EPHA6: variants seen among roughly 807,000 people sequenced by gnomAD.
The protein encoded by EPHA6 is EPH receptor A6.
EPHA6 carries 50 observed loss-of-function variants against 112.0 expected under a neutral mutation model. That is an observed-to-expected ratio of 0.45 (90% CI 0.36 to 0.56). The LOEUF (loss-of-function observed/expected upper bound fraction) is 0.56. Among genes scored for constraint, EPHA6 ranks in the 20% least tolerant of loss-of-function variants. EPHA6 has a pLI of 0.00. For missense variants in EPHA6, 1,280 were observed against 1,417.4 expected, an observed-to-expected ratio of 0.90 and a Z score of 1.56; for synonymous variants, 529 against 490.7, an observed-to-expected ratio of 1.08 and a Z score of -1.03.
At chr3:97,565,040 GA>G (rs1468345043) in intron 11 of EPHA6, among the ~76,000 whole-genome samples, 1 of 152,066 alleles carries the variant, frequency 6.6e-6, no homozygotes. Flanking sequence ...ATACCAAGGG[GA>G]AAATTTTTTA....
intron 6 of EPHA6, among the ~76,000 whole-genome samples, chr3:97,411,073 G>C (rs186920220): frequency 6.7e-6 from 1 of 148,600 alleles, no homozygotes; most frequent in Non-Finnish European, 1.5e-5. Flanking sequence ...ATAATTATTT[G>C]TTGCAGTGTC....
At chr3:97,295,280 T>G (rs890600603) in intron 5 of EPHA6, among the ~76,000 whole-genome samples, 1 of 152,116 alleles carries the variant, frequency 6.6e-6, no homozygotes, top group Non-Finnish European at 1.5e-5. Context: ...TTATTCTTCC[T>G]TTTTTGTCTG....
intron 14 of EPHA6, among the ~76,000 whole-genome samples, chr3:97,708,314 C>G (rs928029913): frequency 1.3e-5 from 2 of 152,196 alleles, no homozygotes; most frequent in African/African-American, 4.8e-5. Context: ...CATTTTGCCC[C>G]TACCCTAGAG....
At chr3:97,445,568 A>C (rs570610862) in intron 6 of EPHA6, among the ~76,000 whole-genome samples, 1 of 152,188 alleles carries the variant, frequency 6.6e-6, no homozygotes, top group Admixed American at 6.6e-5. Context: ...TTGTAAGCTT[A>C]AATTATATAT....
chr3:96,984,268 A>G (rs1445550031), intron 2 of EPHA6, among the ~76,000 whole-genome samples: 2 of 151,968 alleles, frequency 1.3e-5, no homozygotes, highest in African/African-American at 2.4e-5. Flanking sequence ...TTTTCCTTCT[A>G]ACAGTCAGGA....
intron 11 of EPHA6, among the ~76,000 whole-genome samples, chr3:97,584,577 A>C (rs557537518): frequency 1.6e-4 from 24 of 152,320 alleles, no homozygotes; most frequent in African/African-American, 5.3e-4. Context: ...TATTGCCACT[A>C]TGATTGACTT....
chr3:97,307,742 A>G lies in EPHA6; in HGVS notation c.1606+63455A>G, dbSNP rs1477202325. On this transcript the variant is annotated intron_variant, in intron 5 of 17. Coordinates refer to ENST00000389672, the MANE Select transcript of EPHA6 (RefSeq NM_001080448.3). The stretch of plus-strand genomic sequence containing the variant: ...AAAATATAGTCTGTGTGTTTCAGAC[A>G]AAAAAAAATATATATATACACCACA... Among the ~76,000 whole-genome samples the G allele has an allele frequency of 7.9e-5, 11 of 138,452 alleles. 1 individual carries two copies. In the East Asian group the frequency reaches 2.2e-3, roughly 27 times the overall value. 90.8% of individuals were successfully genotyped at this position (138,452 alleles called of 152,430 possible).
intron 12 of EPHA6, among the ~76,000 whole-genome samples, chr3:97,597,472 T>C (rs1448967549): frequency 6.6e-6 from 1 of 152,224 alleles, no homozygotes; most frequent in East Asian, 1.9e-4. Context: ...TTATTTATCC[T>C]TTGGAAAGAG....
chr3:97,223,430 G>GAT (rs1156232745), intron 3 of EPHA6, among the ~76,000 whole-genome samples: 3 of 152,176 alleles, frequency 2.0e-5, no homozygotes, highest in Non-Finnish European at 4.4e-5. Flanking sequence ...AGCTGAGTAA[G>GAT]AGCAAGTGTT....
intron 14 of EPHA6, among the ~76,000 whole-genome samples, chr3:97,703,168 A>T (rs1284374523): frequency 6.6e-6 from 1 of 152,162 alleles, no homozygotes; most frequent in Non-Finnish European, 1.5e-5. Context: ...AAAAGAAGCC[A>T]TTTGGGAAGA....
At chr3:97,101,834 T>C (rs1350095836) in intron 3 of EPHA6, among the ~76,000 whole-genome samples, 2 of 152,154 alleles carry the variant, frequency 1.3e-5, no homozygotes, top group Non-Finnish European at 2.9e-5. Flanking sequence ...TTTGTTGGAT[T>C]GTAGTTCTTT....
intron 7 of EPHA6, among the ~76,000 whole-genome samples, chr3:97,463,578 A>C (rs770819896): frequency 1.2e-4 from 19 of 152,184 alleles, no homozygotes; most frequent in Non-Finnish European, 2.8e-4. Context: ...CAAATGTTCT[A>C]AGAAAGATTT....
intron 3 of EPHA6, among the ~76,000 whole-genome samples, chr3:97,210,791 G>C (rs909898748): frequency 6.6e-6 from 1 of 152,062 alleles, no homozygotes; most frequent in Non-Finnish European, 1.5e-5. Flanking sequence ...TCTGTAATGT[G>C]AGCCAGGATT....
At chr3:97,268,201 T>C (rs2079756250) in intron 5 of EPHA6, among the ~76,000 whole-genome samples, 4 of 152,290 alleles carry the variant, frequency 2.6e-5, no homozygotes, top group Admixed American at 2.0e-4. Flanking sequence ...TCTGTCTCTT[T>C]TCATTAGAAA....
chr3:97,459,090 TA>T (rs2090797439), intron 7 of EPHA6, among the ~76,000 whole-genome samples: 1 of 152,138 alleles, frequency 6.6e-6, no homozygotes, highest in Non-Finnish European at 1.5e-5. Context: ...GCCGTGAAAG[TA>T]GGGGTGCAGT....
chr3:97,179,717 GTCTCTCTCTCTCTCTCTCTCTCTC>G (rs71113852), intron 3 of EPHA6, among the ~76,000 whole-genome samples: 3 of 119,110 alleles, frequency 2.5e-5, no homozygotes, highest in Admixed American at 1.6e-4. Flanking sequence ...AACCTACAGA[GTCTCTCTCTCTCTCTCTCTCTCTC>G]TCTCTCTCTC....
intron 11 of EPHA6, among the ~76,000 whole-genome samples, chr3:97,587,902 CT>C (rs1286022926): frequency 6.6e-6 from 1 of 152,108 alleles, no homozygotes; most frequent in Admixed American, 6.6e-5. Flanking sequence ...TGTTCAAGCC[CT>C]TGAAGTAAAT....
chr3:97,406,873 C>T (rs1318752306), intron 6 of EPHA6, among the ~76,000 whole-genome samples: 16 of 152,236 alleles, frequency 1.1e-4, no homozygotes, highest in Non-Finnish European at 1.3e-4. Flanking sequence ...GCCTATAGCA[C>T]ACTATCACAA....
chr3:97,624,452 T>C (rs1489225834), intron 13 of EPHA6, among the ~76,000 whole-genome samples: 1 of 151,642 alleles, frequency 6.6e-6, no homozygotes, highest in African/African-American at 2.4e-5. Flanking sequence ...TTCCATCTGC[T>C]AGTATTTTCT....
Sources: allele counts gnomAD v4.1 joint callset (sites outside exome capture counted in the v4.1 genomes callset), GRCh38; gene constraint gnomAD v4.1.1; transcripts MANE v1.5; gene names NCBI Gene and HGNC (gene_info 2026-07-23, HGNC 2026-07-21).